Variants in DNAH17 observed in about 807,000 individuals in gnomAD.
DNAH17 encodes axonemal beta dynein heavy chain 17.
A neutral mutation model predicts 485.6 loss-of-function variants in DNAH17; 376 were observed. The observed-to-expected ratio is 0.77, with a 90% CI of 0.71 to 0.84. DNAH17 has a LOEUF of 0.84. DNAH17 is among the 40% of genes least tolerant of loss of function. The pLI, the probability that DNAH17 is intolerant of heterozygous loss-of-function variation, is 0.00. For synonymous variants in DNAH17, 3,031 were observed against 2,405.9 expected, an observed-to-expected ratio of 1.26 and a Z score of -7.60; for missense variants, 6,370 against 5,839.3, an observed-to-expected ratio of 1.09 and a Z score of -2.96.
In DNAH17 at chr17:78,525,173, G is replaced by C; in HGVS notation, c.3712-12C>G. 1 of 1,610,276 alleles carries C rather than the reference G, an allele frequency of 6.2e-7. No homozygotes were observed. Among genetic ancestry groups the C allele is most frequent in the Non-Finnish European group, 8.5e-7 (1 of 1,178,496 alleles). On this transcript the variant is annotated splice_polypyrimidine_tract_variant and intron_variant, in intron 24 of 80. Coordinates refer to ENST00000389840, the MANE Select transcript of DNAH17 (RefSeq NM_173628.4). ...ATGCTCTTTTGTTGCTAGGGGCGGCGAGGGGGCCGTCAGTAGGGCTACCTA... is the reference window on the plus strand; with the variant it reads ...ATGCTCTTTTGTTGCTAGGGGCGGCCAGGGGGCCGTCAGTAGGGCTACCTA...
At chr17:78,473,543 C>CAAA (rs758795883) in intron 54 of DNAH17, among the ~76,000 whole-genome samples, 8,353 of 55,184 alleles carry the variant, frequency 0.15, 861 homozygotes, top group African/African-American at 0.29. Context: ...GACTCTGTCT[C>CAAA]AAAAAAAAAA....
intron 58 of DNAH17, among the ~76,000 whole-genome samples, 176 bp from the exon 59 acceptor site, chr17:78,460,433 C>T (rs1221288632): frequency 6.6e-6 from 1 of 151,904 alleles, no homozygotes; most frequent in East Asian, 1.9e-4. Flanking sequence ...TATGTGCATC[C>T]ATGTGCATAT....
chr17:78,463,063 G>A lies in DNAH17; in HGVS notation c.8955C>T (p.Ala2985=), dbSNP rs1238416467. ...CGTAGGACATGAAGAAGCTGATGGAGGCCTTGACTTCCCACTACAAAGATG... is the reference window on the plus strand; with the variant it reads ...CGTAGGACATGAAGAAGCTGATGGAAGCCTTGACTTCCCACTACAAAGATG... The part of the protein sequence containing the change: ...ETEGIPWEVK[A]SISFFMSYVH... Residue 2985 remains alanine (A), a synonymous_variant, in exon 57 of 81, where the codon GCC becomes GCT. Coordinates refer to ENST00000389840, the MANE Select transcript of DNAH17 (RefSeq NM_173628.4). The A allele has an allele frequency of 1.9e-6, 3 of 1,613,830 alleles. No homozygotes were observed. In the Admixed American group the frequency reaches 5.0e-5, roughly 27 times the overall value.
In DNAH17 at chr17:78,557,636, C is replaced by CAAAAAAAAAAAAAAAAAAA. The variant is rs34251460; in HGVS notation, c.2178+453_2178+471dup. Among the ~76,000 whole-genome samples the CAAAAAAAAAAAAAAAAAAA allele has an allele frequency of 3.8e-4, 11 of 29,036 alleles. 1 individual carries two copies. Among genetic ancestry groups the CAAAAAAAAAAAAAAAAAAA allele is most frequent in the Non-Finnish European group, 7.0e-4 (10 of 14,206 alleles). The allele number at this position is 29,036 out of a possible 152,430, so 19.0% of individuals were successfully genotyped here. A position where few individuals can be genotyped will look rare whatever the true frequency, so the allele number is the denominator to read the frequency against. On this transcript the variant is annotated intron_variant, in intron 14 of 80. Transcript: ENST00000389840. ...CCTGGGTGACAGAGTGAGACTGTCTCAAAAAAAAAAAAAAAAAAAAAAAAA... is the reference window on the plus strand; with the variant it reads ...CCTGGGTGACAGAGTGAGACTGTCTCAAAAAAAAAAAAAAAAAAAAAAAAAAAAAAAAAAAAAAAAAAAA...
chr17:78,455,937 C>T (rs774498606), intron 62 of DNAH17, 101 bp from the exon 63 acceptor site: 5 of 1,013,604 alleles, frequency 4.9e-6, no homozygotes, highest in East Asian at 6.3e-5. Context: ...CAGAGTTTCC[C>T]GTCTGCACCT....
chr17:78,560,229 G>T (rs776064378), intron 13 of DNAH17, among the ~76,000 whole-genome samples: 10 of 152,198 alleles, frequency 6.6e-5, no homozygotes, highest in African/African-American at 2.4e-4. Flanking sequence ...TTTGGTGAAC[G>T]AAAGAATGAA....
intron 27 of DNAH17, 135 bp from the exon 28 acceptor site, chr17:78,507,940 A>T: frequency 2.6e-6 from 2 of 777,320 alleles, no homozygotes; most frequent in African/African-American, 1.7e-5. Context: ...TATTCACAGG[A>T]GCCAAAGGCA....
chr17:78,480,810 T>A (rs1424495776), intron 48 of DNAH17, 24 bp from the exon 49 acceptor site: 1 of 1,576,864 alleles, frequency 6.3e-7, no homozygotes, highest in Admixed American at 1.7e-5. Context: ...CCAGCATTCA[T>A]GTTGTGCCCC....
At chr17:78,446,924 G>A (rs985351402) in intron 69 of DNAH17, among the ~76,000 whole-genome samples, 18 of 152,180 alleles carry the variant, frequency 1.2e-4, no homozygotes, top group African/African-American at 3.9e-4. Flanking sequence ...GATTACAGGT[G>A]AGAGCCACTG....
chr17:78,430,289 T>A (rs1490456528), intron 75 of DNAH17, among the ~76,000 whole-genome samples: 1 of 151,840 alleles, frequency 6.6e-6, no homozygotes, highest in Non-Finnish European at 1.5e-5. Context: ...TTAAAAGAGA[T>A]CATTCCAACA....
At chr17:78,439,907 C>T (rs941539080) in intron 72 of DNAH17, among the ~76,000 whole-genome samples, 5 of 152,004 alleles carry the variant, frequency 3.3e-5, no homozygotes, top group East Asian at 1.9e-4. Context: ...TGACCTCAGG[C>T]GATCCACCTG....
rs113537499 is a variant in DNAH17, at chr17:78,561,597, T to C, written c.1835+118A>G. 4,751 of 1,268,384 alleles carry C rather than the reference T, an allele frequency of 3.7e-3. 150 individuals are homozygous for C. In the African/African-American group the frequency reaches 0.065, roughly 17 times the overall value. The allele number at this position is 1,268,384 out of a possible 1,614,324, so 78.6% of individuals were successfully genotyped here. A position where few individuals can be genotyped will look rare whatever the true frequency, so the allele number is the denominator to read the frequency against. On this transcript the variant is annotated intron_variant, in intron 12 of 80. Coordinates refer to ENST00000389840, the MANE Select transcript of DNAH17 (RefSeq NM_173628.4). ...AGGGGTCTCTTCTGGGCTTTTGCTC[T>C]GGGAGGTAACAGTCTGGTCGACAGG...
chr17:78,486,298 G>A lies in DNAH17; in HGVS notation c.7027C>T (p.Pro2343Ser), dbSNP rs2089606154. ...AAGTACAGCTCGTACAGCTCCCTGG[G>A]GGAGTCGGGGGGCACGGTCTTCTCC... is the stretch of plus-strand genomic sequence containing the variant. ...LTEKTVPPDS[P>S]RELYELYFVF... is the part of the protein sequence containing the mutation. The change falls in exon 45 of 81, where the codon CCC (proline) becomes TCC (serine). Residue 2343 changes from proline to serine, a missense_variant. Physicochemically the swap from Pro to Ser is moderately conservative, Grantham distance 74. Transcript: ENST00000389840. The A allele has an allele frequency of 6.2e-7, 1 of 1,612,698 alleles. No homozygotes were observed. The highest frequency in any genetic ancestry group is 1.7e-5 in the Admixed American group (1 of 59,986).
intron 22 of DNAH17, 129 bp downstream of exon 22, chr17:78,529,343 G>GGGAC: frequency 1.1e-6 from 1 of 905,306 alleles, no homozygotes; most frequent in East Asian, 2.5e-5. Context: ...GTTCCATGGG[G>GGGAC]ATCTGATGTC....
At chr17:78,535,940 A>G (rs1406287516) in intron 19 of DNAH17, among the ~76,000 whole-genome samples, 1 of 152,170 alleles carries the variant, frequency 6.6e-6, no homozygotes, top group Non-Finnish European at 1.5e-5. Flanking sequence ...ATTGCTATAC[A>G]AATAGGTGCT....
intron 48 of DNAH17, among the ~76,000 whole-genome samples, chr17:78,482,070 C>CTTTTTTT (rs36105381): frequency 7.7e-6 from 1 of 130,664 alleles, no homozygotes; most frequent in Non-Finnish European, 1.6e-5. Flanking sequence ...ACACTAGTTA[C>CTTTTTTT]TTTTTTTTTT....
chr17:78,464,963 TCTCCCC>T (rs768989819), intron 56 of DNAH17, among the ~76,000 whole-genome samples: 1 of 152,198 alleles, frequency 6.6e-6, no homozygotes, highest in South Asian at 2.1e-4. Context: ...TCCCTCTCCC[TCTCCCC>T]ACGGTCTCCC....
rs1304786110 is a variant in DNAH17, at chr17:78,537,446, C to T, written c.2712G>A (p.Glu904=). Residue 904 remains glutamate, a synonymous_variant, in exon 19 of 81, where the codon GAG becomes GAA. Coordinates refer to ENST00000389840, the MANE Select transcript of DNAH17 (RefSeq NM_173628.4). The part of the protein sequence containing the change: ...SIAPLFEIRM[E]LDEDGLTFNP... The stretch of plus-strand genomic sequence containing the variant: ...TGAAGGTCAGCCCATCCTCGTCCAG[C>T]TCCATGCGGATCTCAAACAGGGGAG... The T allele has an allele frequency of 1.9e-6, 3 of 1,613,446 alleles. No homozygotes were observed. Among genetic ancestry groups the T allele is most frequent in the East Asian group, 4.5e-5 (2 of 44,876 alleles).
chr17:78,524,969 G>T (rs1381400409), intron 25 of DNAH17, 40 bp downstream of exon 25: 1 of 1,577,434 alleles, frequency 6.3e-7, no homozygotes, highest in East Asian at 2.3e-5. Flanking sequence ...GCTCCCTGCA[G>T]AATCCCGGGC....
Sources: gnomAD v4.1 joint callset for allele counts (sites outside exome capture counted in the v4.1 genomes callset) on GRCh38, gnomAD v4.1.1 for gene constraint, MANE v1.5 for transcripts, NCBI Gene and HGNC (gene_info 2026-07-23, HGNC 2026-07-21) for gene names.